The following ATP10A variants were observed in gnomAD, a reference collection of about 807,000 sequenced individuals.
The protein encoded by ATP10A is ATPase phospholipid transporting 10A (putative).
ATP10A carries 111 observed loss-of-function variants against 147.8 expected under a neutral mutation model. The ratio of observed to expected loss-of-function variants is 0.75; its 90% CI spans 0.64 to 0.88. ATP10A has a LOEUF of 0.88. Ranked by LOEUF, ATP10A falls within the 40% of genes least tolerant of loss-of-function variation. The pLI is 0.00. For synonymous variants in ATP10A, 875 were observed against 841.6 expected (o/e 1.04, Z -0.69); for missense variants, 1,927 against 1,959.0 (o/e 0.98, Z 0.31).
At chr15:25,699,174 C>T (rs889988994) in intron 13 of ATP10A, among the ~76,000 whole-genome samples, 2 of 152,134 alleles carry the variant, frequency 1.3e-5, no homozygotes, top group African/African-American at 4.8e-5. Flanking sequence ...AATAACACTA[C>T]CAATTTTTAA....
intron 10 of ATP10A, chr15:25,710,624 T>C (rs1484333273): frequency 6.6e-6 from 1 of 152,246 alleles, no homozygotes; most frequent in Non-Finnish European, 1.5e-5. Context: ...TTACAAGCGA[T>C]ATTTCCCCAA....
At chr15:25,784,068 G>C (rs1890049287) in intron 1 of ATP10A, among the ~76,000 whole-genome samples, 1 of 152,206 alleles carries the variant, frequency 6.6e-6, no homozygotes, top group African/African-American at 2.4e-5. Context: ...CTTTTCCAAA[G>C]GTCAAGCCTT....
chr15:25,834,026 T>C (rs1004965580), intron 1 of ATP10A, among the ~76,000 whole-genome samples: 2 of 152,068 alleles, frequency 1.3e-5, no homozygotes, highest in Non-Finnish European at 2.9e-5. Context: ...AAGTATACAA[T>C]ACATTGTCAT....
chr15:25,861,368 C>T (rs1893752669), intron 1 of ATP10A, among the ~76,000 whole-genome samples: 1 of 152,272 alleles, frequency 6.6e-6, no homozygotes, highest in African/African-American at 2.4e-5. Flanking sequence ...AATCCCAGTA[C>T]CACGACCTTG....
At chr15:25,842,409 T>C (rs1324869704) in intron 1 of ATP10A, among the ~76,000 whole-genome samples, 2 of 152,134 alleles carry the variant, frequency 1.3e-5, no homozygotes, top group Non-Finnish European at 2.9e-5. Flanking sequence ...GTTTCCAGCG[T>C]CCTTTTACTG....
At chr15:25,842,026 T>C (rs1190142194) in intron 1 of ATP10A, among the ~76,000 whole-genome samples, 1 of 152,178 alleles carries the variant, frequency 6.6e-6, no homozygotes, top group Non-Finnish European at 1.5e-5. Flanking sequence ...ATGCTCTGTA[T>C]AAAGGAGTGG....
intron 1 of ATP10A, among the ~76,000 whole-genome samples, chr15:25,782,168 A>G (rs1434846891): frequency 6.6e-6 from 1 of 152,220 alleles, no homozygotes; most frequent in Non-Finnish European, 1.5e-5. Context: ...TCACAAAAGG[A>G]CAACTCTTGC....
rs563012694 is a variant in ATP10A at position 25,736,207 on chromosome 15, C to T, written c.655-66G>A. The T allele has an allele frequency of 3.4e-5, 47 of 1,363,540 alleles. 1 individual carries two copies. The South Asian group carries it at 5.0e-4, about 14-fold the overall frequency. 84.5% of individuals were successfully genotyped at this position (1,363,540 alleles called of 1,614,324 possible). On this transcript the variant is annotated intron_variant, in intron 2 of 20. Coordinates refer to ENST00000555815, the MANE Select transcript of ATP10A (RefSeq NM_024490.4). ...AGGCTGCGCCGTTCTAAAAGGCACT[C>T]GCTTTTCTGTCTCGCATCCGCGGCA...
chr15:25,754,558 C>A (rs2140597041), intron 2 of ATP10A, among the ~76,000 whole-genome samples: 1 of 152,228 alleles, frequency 6.6e-6, no homozygotes, highest in East Asian at 1.9e-4. Flanking sequence ...TAAGAGAAGC[C>A]TTGGGTGCCT....
chr15:25,795,677 TCCTTCACTCTGCAGTCCTGTGTAATAATA>T (rs1890640205), intron 1 of ATP10A, among the ~76,000 whole-genome samples: 1 of 152,178 alleles, frequency 6.6e-6, no homozygotes, highest in Non-Finnish European at 1.5e-5. Flanking sequence ...ATCATTTTAT[TCCTTCACTCTGCAGTCCTGTGTAATAATA>T]CACACTGGGA....
At chr15:25,778,876 G>A (rs1341914242) in intron 2 of ATP10A, among the ~76,000 whole-genome samples, 1 of 151,920 alleles carries the variant, frequency 6.6e-6, no homozygotes, top group Non-Finnish European at 1.5e-5. Flanking sequence ...AAATGGGGAA[G>A]TTCTTCTTTA....
chr15:25,846,872 A>G (rs1596993653), intron 1 of ATP10A, among the ~76,000 whole-genome samples: 1 of 152,330 alleles, frequency 6.6e-6, no homozygotes, highest in East Asian at 1.9e-4. Flanking sequence ...TTCAATAGAT[A>G]TAAGATATTT....
chr15:25,797,984 T>C (rs989652718), intron 1 of ATP10A, among the ~76,000 whole-genome samples: 3 of 152,156 alleles, frequency 2.0e-5, no homozygotes, highest in Non-Finnish European at 4.4e-5. Flanking sequence ...AAGACTTCTG[T>C]GTTGTTATAG....
intron 1 of ATP10A, among the ~76,000 whole-genome samples, chr15:25,831,168 T>A (rs1892339822): frequency 1.3e-5 from 2 of 152,220 alleles, no homozygotes; most frequent in Admixed American, 1.3e-4. Flanking sequence ...TCTGGATGTC[T>A]AGGACCGCTG....
rs143983843 is a variant in ATP10A at position 25,794,934 on chromosome 15, G to A, written c.450-13711C>T. 4.3e-4 allele frequency among the ~76,000 whole-genome samples: 65 copies of A among 152,210 alleles called. No homozygotes were observed. The Middle Eastern group carries it at 0.017, about 40-fold the overall frequency. ...AGGATGAAGAGGGGGTTGAGTCAACGTCCAAAGACTCACAGCTGGAGGTCG... is the reference window on the plus strand; with the variant it reads ...AGGATGAAGAGGGGGTTGAGTCAACATCCAAAGACTCACAGCTGGAGGTCG... On this transcript the variant is annotated intron_variant, in intron 1 of 20. Transcript: ENST00000555815.
At chr15:25,787,773 G>C (rs1388296745) in intron 1 of ATP10A, among the ~76,000 whole-genome samples, 1 of 152,140 alleles carries the variant, frequency 6.6e-6, no homozygotes, top group East Asian at 1.9e-4. Context: ...ACAACTGGAG[G>C]GGGCTTGTCC....
At chr15:25,691,104 G>C (rs930461150) in intron 15 of ATP10A, among the ~76,000 whole-genome samples, 5 of 152,148 alleles carry the variant, frequency 3.3e-5, no homozygotes, top group Admixed American at 6.5e-5. Flanking sequence ...CGGATAAATT[G>C]TTCCCTAAAA....
At chr15:25,796,647 C>T (rs900286384) in intron 1 of ATP10A, among the ~76,000 whole-genome samples, 1 of 152,234 alleles carries the variant, frequency 6.6e-6, no homozygotes, top group African/African-American at 2.4e-5. Flanking sequence ...CTCCCATAGT[C>T]ATGGACCCTC....
intron 1 of ATP10A, among the ~76,000 whole-genome samples, chr15:25,828,112 T>A (rs531865091): frequency 1.3e-5 from 2 of 152,214 alleles, no homozygotes; most frequent in South Asian, 4.1e-4. Context: ...ATAACAATTA[T>A]AAGCAAAAAT....
Sources: gnomAD v4.1 joint callset for allele counts (sites outside exome capture counted in the v4.1 genomes callset) on GRCh38, gnomAD v4.1.1 for gene constraint, MANE v1.5 for transcripts, NCBI Gene and HGNC (gene_info 2026-07-23, HGNC 2026-07-21) for gene names.